The following RAB27A variants were observed in gnomAD, a reference collection of about 807,000 sequenced individuals.
RAB27A encodes ras-related protein Rab-27A.
A neutral mutation model predicts 20.8 loss-of-function variants in RAB27A; 17 were observed. The ratio of observed to expected loss-of-function variants is 0.82; its 90% confidence interval spans 0.56 to 1.23. RAB27A has a LOEUF of 1.23. RAB27A is among the 50% of genes most tolerant of loss of function. The pLI, the probability that RAB27A is intolerant of heterozygous loss-of-function variation, is 0.00. For synonymous variants in RAB27A, 85 were observed against 92.8 expected (o/e 0.92, Z 0.48); for missense variants, 277 against 266.7 (o/e 1.04, Z -0.27).
chr15:55,206,834 G>C (rs545860234), intron 6 of RAB27A, among the ~76,000 whole-genome samples: 1 of 152,110 alleles, frequency 6.6e-6, no homozygotes, highest in South Asian at 2.1e-4. Flanking sequence ...TCTTGACAAT[G>C]TTAAAGTTTA....
intron 5 of RAB27A, among the ~76,000 whole-genome samples, chr15:55,226,422 C>T (rs1895797727): frequency 6.6e-6 from 1 of 152,148 alleles, no homozygotes; most frequent in Non-Finnish European, 1.5e-5. Context: ...GACCTGCTCT[C>T]CTCTCCCAGG....
chr15:55,267,278 G>A (rs142950560), intron 2 of RAB27A, among the ~76,000 whole-genome samples: 1 of 152,300 alleles, frequency 6.6e-6, no homozygotes, highest in Non-Finnish European at 1.5e-5. Flanking sequence ...GGCCTGATAG[G>A]GTATGAAACG....
chr15:55,277,465 A>G (rs535658463), intron 1 of RAB27A, among the ~76,000 whole-genome samples: 2 of 152,292 alleles, frequency 1.3e-5, no homozygotes, highest in African/African-American at 2.4e-5. Context: ...TGTCTCCATA[A>G]TAAATGGCTC....
intron 2 of RAB27A, among the ~76,000 whole-genome samples, chr15:55,255,612 T>C (rs993500196): frequency 1.3e-5 from 2 of 152,226 alleles, no homozygotes; most frequent in African/African-American, 4.8e-5. Context: ...GTTTGGGGAC[T>C]CCACTGATAG....
At chr15:55,307,019 CGA>C (rs1485424361) in intron 2 of RAB27A, among the ~76,000 whole-genome samples, 1 of 151,872 alleles carries the variant, frequency 6.6e-6, no homozygotes, top group African/African-American at 2.4e-5. Context: ...GGGTTTGATT[CGA>C]GTGTGATGTA....
At chr15:55,261,698 T>C (rs1595727978) in intron 2 of RAB27A, among the ~76,000 whole-genome samples, 1 of 92,640 alleles carries the variant, frequency 1.1e-5, no homozygotes, top group Admixed American at 1.6e-4. Flanking sequence ...CCGAGATCAC[T>C]CACTGCATCT....
Position 55,253,133 on chromosome 15 carries a change from G to GAA in RAB27A, c.-23+17030_-23+17031dup, listed in dbSNP as rs778165953. Among the ~76,000 whole-genome samples the GAA allele has an allele frequency of 3.5e-4, 39 of 112,300 alleles. 1 individual carries two copies. Among genetic ancestry groups the GAA allele is most frequent in the African/African-American group, 1.3e-3 (37 of 29,278 alleles). 73.7% of individuals were successfully genotyped at this position (112,300 alleles called of 152,430 possible). A position where few individuals can be genotyped will look rare whatever the true frequency, so the allele number is the denominator to read the frequency against. On this transcript the variant is annotated intron_variant, in intron 2 of 6. Coordinates refer to ENST00000336787, the MANE Select transcript of RAB27A (RefSeq NM_183235.3). ...GGTGACAGAGCAAGACTCTGTCTCT[G>GAA]AAAAAAAAAAAAAGAAAGAAAGGCT...
rs376066270 is a variant in RAB27A at position 55,207,355 on chromosome 15, A to G, written c.468-1650T>C. ...AGGAAGTGAGTTACAGGGATACATG[A>G]GACATCAGCAATCCCTCAGTCCTTA... is the stretch of plus-strand genomic sequence containing the variant. On this transcript the variant is annotated intron_variant, in intron 6 of 6. Transcript: ENST00000336787. Among the ~76,000 whole-genome samples the G allele has an allele frequency of 5.9e-5, 9 of 152,356 alleles. No individual in the cohort carries two copies. In the East Asian group the frequency reaches 1.5e-3, roughly 26 times the overall value.
chr15:55,257,184 T>C (rs1053549269), intron 2 of RAB27A, among the ~76,000 whole-genome samples: 3 of 151,950 alleles, frequency 2.0e-5, no homozygotes, highest in African/African-American at 4.8e-5. Flanking sequence ...TGTTTGTGGG[T>C]GGTATCAGAT....
chr15:55,285,258 T>C (rs537440637), intron 1 of RAB27A, among the ~76,000 whole-genome samples: 5 of 144,564 alleles, frequency 3.5e-5, no homozygotes, highest in Non-Finnish European at 7.5e-5. Context: ...ACTAAAGCAC[T>C]ACATGGTAAA....
intron 5 of RAB27A, among the ~76,000 whole-genome samples, chr15:55,226,530 TGTGTGA>T (rs1895803918): frequency 6.6e-6 from 1 of 150,900 alleles, no homozygotes; most frequent in African/African-American, 2.5e-5. Context: ...TGTGTGTGTG[TGTGTGA>T]GTGTGTATTT....
chr15:55,291,006 G>A (rs1278983063), upstream of RAB27A, among the ~76,000 whole-genome samples: 1 of 152,192 alleles, frequency 6.6e-6, no homozygotes. Flanking sequence ...ACAGCAGTTA[G>A]CTTCTCAGGT....
chr15:55,230,303 C>A, intron 4 of RAB27A, 98 bp downstream of exon 4: 1 of 1,195,618 alleles, frequency 8.4e-7, no homozygotes, highest in Non-Finnish European at 1.2e-6. Context: ...TGCAAACCAA[C>A]GAATTGGCTG....
rs1566896298 is a variant in RAB27A at position 55,209,878 on chromosome 15, G to GTGTGTATATACATATATACATATA, written c.468-4174_468-4173insTATATGTATATATGTATATACACA. Among the ~76,000 whole-genome samples the GTGTGTATATACATATATACATATA allele has an allele frequency of 0.017, 82 of 4,736 alleles. 17 individuals carry two copies. The Admixed American group carries it at 0.18, about 10-fold the overall frequency. 3.1% of individuals were successfully genotyped at this position (4,736 alleles called of 152,430 possible). A position where few individuals can be genotyped will look rare whatever the true frequency, so the allele number is the denominator to read the frequency against. On this transcript the variant is annotated intron_variant, in intron 6 of 6. Transcript: ENST00000336787. Reference sequence around the variant, plus strand: ...TGTGTATATACATATATACATATATGTGTGTGTATACATATATACACATAT... The same window carrying GTGTGTATATACATATATACATATA: ...TGTGTATATACATATATACATATATGTGTGTATATACATATATACATATATGTGTGTATACATATATACACATAT...
chr15:55,294,188 T>C (rs1324090402), upstream of RAB27A, among the ~76,000 whole-genome samples: 1 of 152,088 alleles, frequency 6.6e-6, no homozygotes. Flanking sequence ...GGAATAGGCT[T>C]GAGAGTCTAG....
At chr15:55,301,485 G>A (rs766665695) in intron 2 of RAB27A, among the ~76,000 whole-genome samples, 2 of 151,906 alleles carry the variant, frequency 1.3e-5, no homozygotes, top group Admixed American at 6.6e-5. Flanking sequence ...ACAATTCAGT[G>A]GTTTGCATGC....
intron 1 of RAB27A, among the ~76,000 whole-genome samples, chr15:55,281,351 GAATCT>G (rs1431988600): frequency 6.6e-6 from 1 of 152,110 alleles, no homozygotes; most frequent in East Asian, 1.9e-4. Context: ...TCAAAAAAAG[GAATCT>G]ACTCTGCTTA....
chr15:55,281,025 T>C (rs1898003299), intron 1 of RAB27A, among the ~76,000 whole-genome samples: 1 of 152,222 alleles, frequency 6.6e-6, no homozygotes, highest in Admixed American at 6.5e-5. Flanking sequence ...ATATACCCAG[T>C]AATGGGATTG....
intron 2 of RAB27A, among the ~76,000 whole-genome samples, chr15:55,243,432 A>G (rs548820165): frequency 5.9e-5 from 9 of 152,044 alleles, no homozygotes; most frequent in South Asian, 2.1e-4. Context: ...AGGAGGGTGG[A>G]TCACCTGAAG....
Sources: allele counts gnomAD v4.1 joint callset (sites outside exome capture counted in the v4.1 genomes callset), GRCh38; gene constraint gnomAD v4.1.1; transcripts MANE v1.5; gene names NCBI Gene and HGNC (gene_info 2026-07-23, HGNC 2026-07-21).